The following GDAP1 variants were observed in gnomAD, a reference collection of about 807,000 sequenced individuals.
GDAP1 encodes ganglioside induced differentiation associated protein 1.
Under a neutral mutation model 40.1 loss-of-function variants are expected in GDAP1, and 34 were observed. The ratio of observed to expected loss-of-function variants is 0.85; its 90% confidence interval spans 0.64 to 1.13. The LOEUF is 1.13. GDAP1 is among the 50% of genes most tolerant of loss of function. GDAP1 has a pLI of 0.00. For missense variants in GDAP1, 374 were observed against 433.7 expected, an observed-to-expected ratio of 0.86 and a Z score of 1.22; for synonymous variants, 170 against 157.4, an observed-to-expected ratio of 1.08 and a Z score of -0.60.
rs1281559626 is a variant in GDAP1 at position 74,365,859 on chromosome 8, T to G, written c.*1492T>G. The G allele has an allele frequency of 2.2e-6, 1 of 454,374 alleles. No homozygotes were observed. The highest frequency in any genetic ancestry group is 1.6e-5 in the South Asian group (1 of 64,416). The allele number at this position is 454,374 out of a possible 1,614,324, so 28.1% of individuals were successfully genotyped here. On this transcript the variant is annotated 3_prime_UTR_variant, in exon 6 of 6. Transcript: ENST00000220822. ...ATTGAGTAGCAGCTTTTATAACATT[T>G]AAAATTTGCACATGAGTGTGTTGTC...
intron 2 of GDAP1, among the ~76,000 whole-genome samples, chr8:74,454,964 T>C (rs554363329): frequency 6.6e-6 from 1 of 152,108 alleles, no homozygotes; most frequent in African/African-American, 2.4e-5. Context: ...ATTGGGGCTG[T>C]TGATGAATAT....
intron 2 of GDAP1, among the ~76,000 whole-genome samples, chr8:74,410,248 C>A (rs1351831637): frequency 6.7e-6 from 1 of 149,708 alleles, no homozygotes; most frequent in African/African-American, 2.6e-5. Flanking sequence ...TTACAGCATT[C>A]ACGGGGAGAA....
chr8:74,402,524 C>T (rs1045034778), intron 2 of GDAP1, among the ~76,000 whole-genome samples: 1 of 150,330 alleles, frequency 6.7e-6, no homozygotes, highest in African/African-American at 2.5e-5. Context: ...GGCAATGCCT[C>T]GCCCTGCTTC....
intron 2 of GDAP1, among the ~76,000 whole-genome samples, chr8:74,470,081 A>G (rs1265082286): frequency 6.6e-6 from 1 of 152,102 alleles, no homozygotes; most frequent in African/African-American, 2.4e-5. Flanking sequence ...TTCATTTCTT[A>G]TATTGATATT....
chr8:74,426,948 T>C (rs1343796005), intron 2 of GDAP1, among the ~76,000 whole-genome samples: 1 of 152,238 alleles, frequency 6.6e-6, no homozygotes, highest in African/African-American at 2.4e-5. Context: ...TAGACCTATG[T>C]GGTAGATTGT....
intron 4 of GDAP1, among the ~76,000 whole-genome samples, chr8:74,362,654 C>G (rs1019263345): frequency 1.4e-4 from 21 of 152,232 alleles, no homozygotes; most frequent in African/African-American, 5.1e-4. Context: ...GCAGATGGCT[C>G]TTCGTGTCCC....
rs533119017 is a variant in GDAP1 at position 74,419,606 on chromosome 8, A to G, written c.165+68285A>G. 3.3e-5 allele frequency among the ~76,000 whole-genome samples: 5 copies of G among 152,268 alleles called. No homozygotes were observed. The South Asian group carries it at 1.0e-3, about 32-fold the overall frequency. The stretch of plus-strand genomic sequence containing the variant: ...AGCTATTATTTGAAAATATTTTCCT[A>G]CACCCTGTAGGTTGCCTTTTCTTGA... On this transcript the variant is annotated intron_variant, in intron 2 of 2. Coordinates refer to the GDAP1 transcript ENST00000523640.
At chr8:74,428,057 G>T (rs1459027851) in intron 2 of GDAP1, among the ~76,000 whole-genome samples, 2 of 152,116 alleles carry the variant, frequency 1.3e-5, no homozygotes, top group African/African-American at 2.4e-5. Context: ...ATCAATATTT[G>T]TCATTGTTTC....
At chr8:74,479,131 C>A (rs983851593) in intron 2 of GDAP1, among the ~76,000 whole-genome samples, 2 of 152,126 alleles carry the variant, frequency 1.3e-5, no homozygotes, top group Non-Finnish European at 2.9e-5. Flanking sequence ...TTTTTCTAAG[C>A]AATGTTTTAG....
At chr8:74,401,382 G>A (rs1017670268) in intron 2 of GDAP1, among the ~76,000 whole-genome samples, 2 of 149,688 alleles carry the variant, frequency 1.3e-5, no homozygotes, top group Non-Finnish European at 2.9e-5. Flanking sequence ...CGTAGTTCTC[G>A]AGCCTTGGCT....
chr8:74,449,698 T>C (rs550283423), intron 2 of GDAP1, among the ~76,000 whole-genome samples: 1 of 151,834 alleles, frequency 6.6e-6, no homozygotes, highest in Non-Finnish European at 1.5e-5. Flanking sequence ...AGTCACTGTT[T>C]TTGTATTTTT....
chr8:74,405,593 C>G (rs946082655), intron 2 of GDAP1, among the ~76,000 whole-genome samples: 4 of 150,012 alleles, frequency 2.7e-5, no homozygotes, highest in Admixed American at 1.3e-4. Context: ...CTAGTGTCAT[C>G]TTCATATCTT....
chr8:74,395,572 T>C (rs549632842), intron 2 of GDAP1, among the ~76,000 whole-genome samples: 1 of 152,288 alleles, frequency 6.6e-6, no homozygotes, highest in South Asian at 2.1e-4. Flanking sequence ...AAACATAGGG[T>C]CACACAATCC....
intron 2 of GDAP1, among the ~76,000 whole-genome samples, chr8:74,465,081 G>T (rs539533257): frequency 3.3e-5 from 5 of 151,924 alleles, no homozygotes; most frequent in African/African-American, 9.7e-5. Flanking sequence ...TTAGCTGGGC[G>T]TGGTAGCGTG....
Position 74,411,881 on chromosome 8 carries a change from CA to C in GDAP1, c.165+60570del, listed in dbSNP as rs112264288. 4.8e-4 allele frequency among the ~76,000 whole-genome samples: 69 copies of C among 143,854 alleles called. 6 individuals are homozygous for C. The highest frequency in any genetic ancestry group is 3.5e-3 in the Middle Eastern group (1 of 288). 94.4% of individuals were successfully genotyped at this position (143,854 alleles called of 152,430 possible). On this transcript the variant is annotated intron_variant, in intron 2 of 2. Transcript: ENST00000523640. Reference sequence around the variant, plus strand: ...TGAGCAATGGAGCAAGACCTTGTCTCAAAAAAAAAATAATAATAACTTATGA... The same window carrying C: ...TGAGCAATGGAGCAAGACCTTGTCTCAAAAAAAAATAATAATAACTTATGA...
chr8:74,420,305 A>C (rs970539690), intron 2 of GDAP1, among the ~76,000 whole-genome samples: 3 of 152,150 alleles, frequency 2.0e-5, no homozygotes, highest in Non-Finnish European at 4.4e-5. Context: ...CAACATAATA[A>C]AGTAGGAAAA....
intron 2 of GDAP1, among the ~76,000 whole-genome samples, chr8:74,470,904 C>G (rs922862665): frequency 1.3e-5 from 2 of 152,220 alleles, no homozygotes; most frequent in African/African-American, 2.4e-5. Flanking sequence ...TCCACATCCT[C>G]TCCAGCACCT....
rs956574578 is a variant in GDAP1, at chr8:74,363,946, T to C, written c.695-39T>C. On this transcript the variant is annotated intron_variant, in intron 5 of 5. Transcript: ENST00000220822. ...TACCAGCTGGAGTCTGTCTGTAGAG[T>C]GCTTGCCTCTAATTCTCTATGTCCC... is the stretch of plus-strand genomic sequence containing the variant. 4.4e-6 allele frequency: 7 copies of C among 1,595,042 alleles called. No homozygotes were observed. The South Asian group carries it at 7.7e-5, about 18-fold the overall frequency.
chr8:74,402,911 G>C (rs6472846), intron 2 of GDAP1, among the ~76,000 whole-genome samples: 55,110 of 149,482 alleles, frequency 0.37, 11,423 homozygotes, highest in Middle Eastern at 0.47. Context: ...TGTTGTTGTT[G>C]TTGTTGAGTT....
Sources: gnomAD v4.1 joint callset for allele counts (sites outside exome capture counted in the v4.1 genomes callset) on GRCh38, gnomAD v4.1.1 for gene constraint, MANE v1.5 for transcripts, NCBI Gene and HGNC (gene_info 2026-07-23, HGNC 2026-07-21) for gene names.